OSBPL3: variants seen among roughly 807,000 people sequenced by gnomAD.
The protein encoded by OSBPL3 is oxysterol-binding protein-related protein 3.
A neutral mutation model predicts 120.1 loss-of-function variants in OSBPL3; 65 were observed. The ratio of observed to expected loss-of-function variants is 0.54; its 90% CI spans 0.44 to 0.67. The LOEUF (loss-of-function observed/expected upper bound fraction) is 0.67, where lower values mean the gene tolerates loss of function less well. OSBPL3 is among the 30% of genes least tolerant of loss of function. The pLI, the probability that OSBPL3 is intolerant of heterozygous loss-of-function variation, is 0.00. For synonymous variants in OSBPL3, 416 were observed against 402.6 expected, an observed-to-expected ratio of 1.03 and a Z score of -0.40; for missense variants, 1,004 against 1,082.1, an observed-to-expected ratio of 0.93 and a Z score of 1.01.
intron 1 of OSBPL3, among the ~76,000 whole-genome samples, chr7:24,897,821 T>A (rs1053236603): frequency 6.6e-6 from 1 of 152,202 alleles, no homozygotes; most frequent in African/African-American, 2.4e-5. Context: ...ATCTGGTAGA[T>A]TGCAAAAAGT....
rs777916636 is a variant in OSBPL3 at position 24,834,670 on chromosome 7, G to T, written c.1562C>A (p.Pro521Gln). 6.2e-7 allele frequency: 1 copy of T among 1,613,970 alleles called. No individual in the cohort carries two copies. The highest frequency in any genetic ancestry group is 1.3e-5 in the African/African-American group (1 of 74,928). Residue 521 changes from proline (P) to glutamine (Q), a missense_variant, in exon 15 of 23, where the codon CCG (proline) becomes CAG (glutamine). Pro to Gln is a moderately conservative substitution (Grantham distance 76, BLOSUM62 -1). Around this residue, in one of 4 missense-constraint regions of OSBPL3, gnomAD observed 473 missense variants for 568.0 expected, o/e 0.83. Transcript: ENST00000313367. This position sits in a 1 kb window ranked among gnomAD's most constrained non-coding sequence, Gnocchi z 5.2. ...RRRTCLPAPCPSSSNISLWNI... is the reference protein window; with the variant it reads ...RRRTCLPAPCQSSSNISLWNI... Reference sequence around the variant, plus strand: ...CCACAGGCTGATGTTACTGCTGCTCGGGCAGGGCGCCGGCAGGCACGTTCT... The same window carrying T: ...CCACAGGCTGATGTTACTGCTGCTCTGGCAGGGCGCCGGCAGGCACGTTCT...
Position 24,938,832 on chromosome 7 carries a change from TG to T in OSBPL3, c.-150+41053del, listed in dbSNP as rs1812745885. On this transcript the variant is annotated intron_variant, in intron 1 of 22. Transcript: ENST00000313367. The surrounding 1 kb of genome is among the most constrained non-coding windows in gnomAD (Gnocchi z 5.8). The stretch of plus-strand genomic sequence containing the variant: ...GTGTGTGTGTGTGTGTGTGTGTGTG[TG>T]TTTTGAGAGCAAAACTAATGTGGCC... Among the ~76,000 whole-genome samples the T allele has an allele frequency of 4.8e-5, 7 of 145,006 alleles. No homozygotes were observed. Among genetic ancestry groups the T allele is most frequent in the African/African-American group, 1.8e-4 (7 of 39,748 alleles).
At chr7:24,826,194 G>C (rs1370964323) in intron 16 of OSBPL3, among the ~76,000 whole-genome samples, 2 of 152,206 alleles carry the variant, frequency 1.3e-5, no homozygotes, top group African/African-American at 2.4e-5. Flanking sequence ...TGAACAGTAA[G>C]GAAAGAAGGG....
chr7:24,839,427 T>C (rs1238715479), intron 14 of OSBPL3, among the ~76,000 whole-genome samples: 2 of 152,202 alleles, frequency 1.3e-5, no homozygotes, highest in Non-Finnish European at 2.9e-5. Flanking sequence ...ACTAGCATTA[T>C]GAAATATCTT....
Position 24,821,654 on chromosome 7 carries a change from T to C in OSBPL3, c.1885-1416A>G, listed in dbSNP as rs1795148893. On this transcript the variant is annotated intron_variant, in intron 16 of 22. Transcript: ENST00000313367. This position sits in a 1 kb window ranked among gnomAD's most constrained non-coding sequence, Gnocchi z 5.5. ...AGAAAGGTAGAGACAAAGACGTAAA[T>C]CATGTAGGCATCTTTCAGATTCCTC... Among the ~76,000 whole-genome samples the C allele has an allele frequency of 1.3e-5, 2 of 152,270 alleles. No homozygotes were observed. The highest frequency in any genetic ancestry group is 2.1e-4 in the South Asian group (1 of 4,822).
At position 24,849,003 on chromosome 7, in the gene OSBPL3, G is replaced by T; in HGVS notation, c.1266+66C>A. ...GGGGAAGCAGGGAGGTCGTGCAATG[G>T]GACAGATGGTATCACGGGAGCGGGC... is the stretch of plus-strand genomic sequence containing the variant. On this transcript the variant is annotated intron_variant, in intron 12 of 22. Transcript: ENST00000313367. The surrounding 1 kb of genome is among the most constrained non-coding windows in gnomAD (Gnocchi z 5.4). 8.8e-7 allele frequency: 1 copy of T among 1,140,318 alleles called. No homozygotes were observed. The highest frequency in any genetic ancestry group is 1.3e-6 in the Non-Finnish European group (1 of 758,126). 70.6% of individuals were successfully genotyped at this position (1,140,318 alleles called of 1,614,324 possible). A position where few individuals can be genotyped will look rare whatever the true frequency, so the allele number is the denominator to read the frequency against.
At chr7:24,866,389 G>A in intron 5 of OSBPL3, 152 bp from the exon 6 acceptor site, 1 of 673,810 alleles carries the variant, frequency 1.5e-6, no homozygotes, top group Non-Finnish European at 2.6e-6. Flanking sequence ...TGTAATTCCA[G>A]CAATTTGGAA....
At chr7:24,921,439 CTT>C (rs759474639) in intron 1 of OSBPL3, among the ~76,000 whole-genome samples, 21 of 152,214 alleles carry the variant, frequency 1.4e-4, no homozygotes, top group Non-Finnish European at 3.1e-4. Context: ...TAAATCACCT[CTT>C]TGACACTACT....
At chr7:24,962,296 T>A (rs1815841650) in intron 1 of OSBPL3, among the ~76,000 whole-genome samples, 1 of 149,248 alleles carries the variant, frequency 6.7e-6, no homozygotes, top group South Asian at 2.1e-4. Context: ...AGAGTGAAAC[T>A]CTATCAGAAA....
At chr7:24,866,369 G>A in intron 5 of OSBPL3, 132 bp from the exon 6 acceptor site, 3 of 712,954 alleles carry the variant, frequency 4.2e-6, no homozygotes, top group South Asian at 1.6e-5. Flanking sequence ...CAGGCGCAGT[G>A]GCTGATGCCT....
Position 24,813,474 on chromosome 7 carries a change from C to T in OSBPL3, c.2172+1585G>A, listed in dbSNP as rs114980456. Among the ~76,000 whole-genome samples the T allele has an allele frequency of 3.2e-3, 481 of 152,288 alleles. 3 individuals carry two copies. Among genetic ancestry groups the T allele is most frequent in the African/African-American group, 0.011 (459 of 41,556 alleles). The stretch of plus-strand genomic sequence containing the variant: ...AGCAACGTGGCTTTCACCTGGGTCA[C>T]GGGTAACATATCCCTGCTTCAGGTT... On this transcript the variant is annotated intron_variant, in intron 19 of 22. Transcript: ENST00000313367. This position sits in a 1 kb window ranked among gnomAD's most constrained non-coding sequence, Gnocchi z 4.5.
At chr7:24,850,685 T>C (rs924120388) in intron 11 of OSBPL3, among the ~76,000 whole-genome samples, 1 of 152,206 alleles carries the variant, frequency 6.6e-6, no homozygotes, top group Non-Finnish European at 1.5e-5. Context: ...ACTAACTTTA[T>C]TCTGGCCAAT....
At chr7:24,868,232 G>A (rs111777731) in intron 5 of OSBPL3, among the ~76,000 whole-genome samples, 24 of 151,438 alleles carry the variant, frequency 1.6e-4, no homozygotes, top group South Asian at 4.2e-4. Context: ...CAGGAGAATC[G>A]CTTGAACCTG....
intron 1 of OSBPL3, among the ~76,000 whole-genome samples, chr7:24,957,421 G>T (rs2128508427): frequency 6.6e-6 from 1 of 152,266 alleles, no homozygotes. Flanking sequence ...TAGAGAGTAT[G>T]AAACCAAGCT....
At position 24,808,764 on chromosome 7, in the gene OSBPL3, T is replaced by A. The variant is rs1793388080; in HGVS notation, c.2317+1043A>T. Among the ~76,000 whole-genome samples the A allele has an allele frequency of 1.3e-5, 2 of 152,220 alleles. 1 individual carries two copies. The highest frequency in any genetic ancestry group is 4.8e-5 in the African/African-American group (2 of 41,448). ...AGACATCTAAATCTCTCTTGCCTACTCTGTTGCCCGTGACTGGTTCACGGA... is the reference window on the plus strand; with the variant it reads ...AGACATCTAAATCTCTCTTGCCTACACTGTTGCCCGTGACTGGTTCACGGA... On this transcript the variant is annotated intron_variant, in intron 20 of 22. Coordinates refer to ENST00000313367, the MANE Select transcript of OSBPL3 (RefSeq NM_015550.4). This position sits in a 1 kb window ranked among gnomAD's most constrained non-coding sequence, Gnocchi z 4.6.
intron 14 of OSBPL3, among the ~76,000 whole-genome samples, chr7:24,836,845 T>C (rs1259036470): frequency 1.3e-5 from 2 of 151,978 alleles, no homozygotes; most frequent in African/African-American, 2.4e-5. Flanking sequence ...TTAAAATTAA[T>C]TTTTTTTGAG....
rs1186834048 is a variant in OSBPL3 at position 24,824,538 on chromosome 7, G to C, written c.1885-4300C>G. Among the ~76,000 whole-genome samples the C allele has an allele frequency of 6.6e-6, 1 of 152,166 alleles. No individual in the cohort carries two copies. The highest frequency in any genetic ancestry group is 1.5e-5 in the Non-Finnish European group (1 of 68,024). ...CAATACAGGGCAATAACGAAAAAGA[G>C]GGCAAGTGCCAGGTGAAGAAGTCAT... On this transcript the variant is annotated intron_variant, in intron 16 of 22. Coordinates refer to ENST00000313367, the MANE Select transcript of OSBPL3 (RefSeq NM_015550.4). This position sits in a 1 kb window ranked among gnomAD's most constrained non-coding sequence, Gnocchi z 4.9.
At chr7:24,905,434 G>A (rs1269569182) in intron 1 of OSBPL3, among the ~76,000 whole-genome samples, 1 of 152,160 alleles carries the variant, frequency 6.6e-6, no homozygotes, top group Non-Finnish European at 1.5e-5. Context: ...GGGAGAGTGA[G>A]ATAGGTATCA....
intron 1 of OSBPL3, among the ~76,000 whole-genome samples, chr7:24,901,966 G>C (rs1048927814): frequency 1.3e-5 from 2 of 152,196 alleles, no homozygotes; most frequent in African/African-American, 4.8e-5. Flanking sequence ...AAATTTTGTA[G>C]AGCAGTAATA....
Sources: gnomAD v4.1 joint callset for allele counts (sites outside exome capture counted in the v4.1 genomes callset) on GRCh38, gnomAD v4.1.1 for gene constraint, gnomAD v4.1.1 regional missense constraint, Gnocchi (gnomAD v3.1) non-coding constraint, MANE v1.5 for transcripts, NCBI Gene and HGNC (gene_info 2026-07-23, HGNC 2026-07-21) for gene names.